The following HERC3 variants were observed in gnomAD, a reference collection of about 807,000 sequenced individuals.
The protein encoded by HERC3 is probable E3 ubiquitin-protein ligase HERC3.
In HERC3, 58 loss-of-function variants were observed where a neutral mutation model predicts 129.9. That is an observed-to-expected ratio of 0.45 (90% CI 0.36 to 0.56). The LOEUF (loss-of-function observed/expected upper bound fraction) is 0.56, where lower values mean the gene tolerates loss of function less well. Among genes scored for constraint, HERC3 ranks in the 20% least tolerant of loss-of-function variants. The pLI, the probability that HERC3 is intolerant of heterozygous loss-of-function variation, is 0.00. For missense variants in HERC3, 835 were observed against 1,244.2 expected, an observed-to-expected ratio of 0.67 and a Z score of 4.95; for synonymous variants, 430 against 451.0, an observed-to-expected ratio of 0.95 and a Z score of 0.59.
rs1732161989 is a variant in HERC3, at chr4:88,676,331, T to C, written c.1936-3T>C. ...ATACTGTCAATAATGTGCTTTATTC[T>C]AGGATACTGTAACACTTTGTTCCTA... On this transcript the variant is annotated splice_polypyrimidine_tract_variant and splice_region_variant and intron_variant, in intron 17 of 25. Coordinates refer to ENST00000402738, the MANE Select transcript of HERC3 (RefSeq NM_014606.3). 6.2e-7 allele frequency: 1 copy of C among 1,607,922 alleles called. No individual in the cohort carries two copies. The highest frequency in any genetic ancestry group is 1.3e-5 in the African/African-American group (1 of 74,930).
the HERC3 span, among the ~76,000 whole-genome samples, chr4:88,565,930 G>A: frequency 6.6e-6 from 1 of 151,434 alleles, no homozygotes; most frequent in Non-Finnish European, 1.5e-5. Flanking sequence ...TTTATTTTTT[G>A]TGTATCTGTT....
At chr4:88,706,022 T>C in intron 25 of HERC3, among the ~76,000 whole-genome samples, 1 of 152,228 alleles carries the variant, frequency 6.6e-6, no homozygotes, top group East Asian at 1.9e-4. Context: ...AGATGCCTGC[T>C]CATGGTCCTG....
chr4:88,532,814 T>G, the HERC3 span, among the ~76,000 whole-genome samples: 2 of 152,126 alleles, frequency 1.3e-5, no homozygotes, highest in African/African-American at 4.8e-5. Flanking sequence ...TGTGGGGAAT[T>G]TTCTTTTTGC....
At chr4:88,621,169 C>T (rs923928443) in intron 3 of HERC3, among the ~76,000 whole-genome samples, 1 of 152,036 alleles carries the variant, frequency 6.6e-6, no homozygotes, top group South Asian at 2.1e-4. Context: ...TGCAGTGGTA[C>T]GATCTTAGCT....
the HERC3 span, among the ~76,000 whole-genome samples, chr4:88,532,371 A>G: frequency 0.32 from 49,320 of 151,912 alleles, 9,166 homozygotes; most frequent in East Asian, 0.78. Context: ...GGTCCAGATC[A>G]GAGCTCAAAG....
chr4:88,535,897 A>T, the HERC3 span, among the ~76,000 whole-genome samples: 1 of 152,236 alleles, frequency 6.6e-6, no homozygotes, highest in African/African-American at 2.4e-5. Flanking sequence ...AAATAATGCA[A>T]ATGTTTCTTA....
chr4:88,627,057 T>A (rs1272329406), intron 3 of HERC3, among the ~76,000 whole-genome samples: 1 of 152,170 alleles, frequency 6.6e-6, no homozygotes, highest in Non-Finnish European at 1.5e-5. Flanking sequence ...AGTATCATTT[T>A]AACTGTATCC....
chr4:88,698,545 C>G (rs1734919865), intron 23 of HERC3, among the ~76,000 whole-genome samples: 1 of 152,050 alleles, frequency 6.6e-6, no homozygotes. Flanking sequence ...GTGGGAAGGA[C>G]TAAAGCTTGA....
chr4:88,571,891 C>G, the HERC3 span, among the ~76,000 whole-genome samples: 1 of 151,998 alleles, frequency 6.6e-6, no homozygotes, highest in Non-Finnish European at 1.5e-5. Context: ...GAACTGTGTC[C>G]CCTAAAATTC....
the HERC3 span, among the ~76,000 whole-genome samples, chr4:88,567,720 C>A: frequency 1.3e-5 from 2 of 152,188 alleles, no homozygotes; most frequent in Non-Finnish European, 2.9e-5. Flanking sequence ...TTTCACTGAG[C>A]TTCCTCAAAA....
the HERC3 span, among the ~76,000 whole-genome samples, chr4:88,560,483 T>G: frequency 1.4e-5 from 2 of 142,382 alleles, no homozygotes; most frequent in Admixed American, 1.4e-4. Context: ...ATGTTGAATA[T>G]TAACCCCTTA....
At chr4:88,536,246 G>A in the HERC3 span, among the ~76,000 whole-genome samples, 2 of 152,170 alleles carry the variant, frequency 1.3e-5, no homozygotes, top group Non-Finnish European at 2.9e-5. Flanking sequence ...ATAATAGCCT[G>A]TTTCATAGCT....
chr4:88,538,107 G>A, the HERC3 span, among the ~76,000 whole-genome samples: 1 of 152,184 alleles, frequency 6.6e-6, no homozygotes, highest in Non-Finnish European at 1.5e-5. Flanking sequence ...AAATGGTACA[G>A]GTGAATCAAT....
chr4:88,633,597 CAAA>C (rs1183569973), intron 3 of HERC3, among the ~76,000 whole-genome samples: 2 of 151,550 alleles, frequency 1.3e-5, no homozygotes, highest in African/African-American at 4.9e-5. Flanking sequence ...TTATTTAACA[CAAA>C]AGAAGGCAAG....
chr4:88,579,651 G>A, the HERC3 span, among the ~76,000 whole-genome samples: 4 of 152,152 alleles, frequency 2.6e-5, no homozygotes, highest in Non-Finnish European at 5.9e-5. Flanking sequence ...TTGAGGAAGA[G>A]GTGATATTAT....
chr4:88,704,633 T>C (rs1176790138), intron 25 of HERC3, 23 bp downstream of exon 25: 1 of 1,397,864 alleles, frequency 7.2e-7, no homozygotes, highest in African/African-American at 1.4e-5. Flanking sequence ...AATCTCAATA[T>C]GGTATTTGTC....
At chr4:88,689,740 G>A (rs1733875933) in intron 23 of HERC3, among the ~76,000 whole-genome samples, 2 of 151,978 alleles carry the variant, frequency 1.3e-5, no homozygotes, top group Non-Finnish European at 2.9e-5. Context: ...ACCATGCCTG[G>A]CTAATTTTTG....
At chr4:88,677,846 A>G (rs1057073976) in intron 18 of HERC3, 118 bp from the exon 19 acceptor site, 7 of 820,242 alleles carry the variant, frequency 8.5e-6, no homozygotes, top group Admixed American at 2.5e-5. Context: ...GTTAAGAGGG[A>G]AAAAAATTAA....
At position 88,676,414 on chromosome 4, in the gene HERC3, A is replaced by G; in HGVS notation, c.2016A>G (p.Leu672=). ...AAATGTTACAGACAGATGCTGAACT[A>G]CAGATGCAGGTATCATATTTTAGAA... ...KTKMLQTDAE[L]QMQVAVNGAN... The change falls in exon 18 of 26, where the codon CTA becomes CTG. Residue 672 remains leucine (L), a synonymous_variant. Transcript: ENST00000402738. 6.2e-7 allele frequency: 1 copy of G among 1,600,478 alleles called. No individual in the cohort carries two copies. Among genetic ancestry groups the G allele is most frequent in the Non-Finnish European group, 8.6e-7 (1 of 1,167,740 alleles).
Sources: gnomAD v4.1 joint callset for allele counts (sites outside exome capture counted in the v4.1 genomes callset) on GRCh38, gnomAD v4.1.1 for gene constraint, MANE v1.5 for transcripts, NCBI Gene and HGNC (gene_info 2026-07-23, HGNC 2026-07-21) for gene names.